Variants in REEP1 observed in about 807,000 individuals in gnomAD.
The protein encoded by REEP1 is receptor expression-enhancing protein 1.
REEP1 carries 22 observed loss-of-function variants against 40.3 expected under a neutral mutation model. That is an observed-to-expected ratio of 0.55 (90% CI 0.39 to 0.78). The LOEUF (loss-of-function observed/expected upper bound fraction) is 0.78, where lower values mean the gene tolerates loss of function less well. REEP1 is among the 30% of genes least tolerant of loss of function. The pLI is 0.00. For missense variants in REEP1, 280 were observed against 361.1 expected (o/e 0.78, Z 1.82); for synonymous variants, 116 against 139.2 (o/e 0.83, Z 1.17).
chr2:86,256,705 C>G (rs965593266), intron 3 of REEP1, among the ~76,000 whole-genome samples: 2 of 152,256 alleles, frequency 1.3e-5, no homozygotes, highest in African/African-American at 2.4e-5. Flanking sequence ...GCCTCTGTTT[C>G]TAGGAATCTG....
intron 7 of REEP1, 41 bp from the exon 8 acceptor site, chr2:86,220,162 T>C (rs1012001189): frequency 1.6e-6 from 2 of 1,214,016 alleles, no homozygotes; most frequent in Non-Finnish European, 2.1e-6. Context: ...AGACAAGGTA[T>C]AGCAAGGAAG....
At chr2:86,230,345 C>G (rs561267801) in intron 6 of REEP1, among the ~76,000 whole-genome samples, 23 of 152,380 alleles carry the variant, frequency 1.5e-4, no homozygotes, top group Admixed American at 1.4e-3. Flanking sequence ...GAGGTCTAGG[C>G]AGGAGGCCTG....
At chr2:86,280,288 G>C (rs973374587) in intron 2 of REEP1, among the ~76,000 whole-genome samples, 28 of 152,240 alleles carry the variant, frequency 1.8e-4, no homozygotes, top group African/African-American at 6.5e-4. Flanking sequence ...ACTGGGAAAA[G>C]CATGTGCTCA....
chr2:86,230,813 G>A (rs973123511), intron 6 of REEP1, among the ~76,000 whole-genome samples: 12 of 152,056 alleles, frequency 7.9e-5, no homozygotes, highest in East Asian at 1.9e-4. Context: ...CGGGTCATGC[G>A]GCGAGCAAGT....
chr2:86,305,058 C>A (rs1483677159), intron 1 of REEP1, among the ~76,000 whole-genome samples: 1 of 151,904 alleles, frequency 6.6e-6, no homozygotes, highest in Non-Finnish European at 1.5e-5. Context: ...CCATTGGTAC[C>A]TAGACGAGGT....
chr2:86,280,916 C>T (rs1365312774), intron 2 of REEP1, among the ~76,000 whole-genome samples: 1 of 152,162 alleles, frequency 6.6e-6, no homozygotes, highest in Non-Finnish European at 1.5e-5. Context: ...TCTTTACCTT[C>T]GCCAAACCTG....
chr2:86,282,203 G>C lies in REEP1; in HGVS notation c.72C>G (p.Tyr24Ter). Reference sequence around the variant, plus strand: ...TAATGTCCTTTGATTTCACAGCCTTGTAGGAATAATACGCAGGGTAAAGGG... The same window carrying C: ...TAATGTCCTTTGATTTCACAGCCTTCTAGGAATAATACGCAGGGTAAAGGG... ...FGTLYPAYYS[Y>*]KAVKSKDIKE... is the part of the protein sequence containing the mutation. Residue 24 changes from tyrosine (Y) to a stop codon, truncating the protein, a stop_gained, in exon 2 of 9, where the codon TAC (tyrosine) becomes TAG (stop). Coordinates refer to ENST00000538924, the MANE Select transcript of REEP1 (RefSeq NM_001371279.1). LOFTEE classifies it high-confidence loss of function. The C allele has an allele frequency of 6.2e-7, 1 of 1,610,820 alleles. No homozygotes were observed. Among genetic ancestry groups the C allele is most frequent in the Non-Finnish European group, 8.5e-7 (1 of 1,177,028 alleles).
intron 5 of REEP1, among the ~76,000 whole-genome samples, chr2:86,240,976 T>C (rs1051196431): frequency 2.6e-5 from 4 of 151,276 alleles, no homozygotes; most frequent in Non-Finnish European, 5.9e-5. Context: ...GGATGGGAGG[T>C]GAGGAGTGGA....
At chr2:86,290,456 T>TA (rs150165467) in intron 1 of REEP1, among the ~76,000 whole-genome samples, 2,430 of 152,142 alleles carry the variant, frequency 0.016, 51 homozygotes, top group African/African-American at 0.052. Flanking sequence ...ACCTGACCTT[T>TA]AAAAAAACCA....
chr2:86,244,665 G>A (rs1280673479), intron 5 of REEP1, among the ~76,000 whole-genome samples: 1 of 152,152 alleles, frequency 6.6e-6, no homozygotes, highest in Non-Finnish European at 1.5e-5. Context: ...AGGCCCCAAG[G>A]AGCTGAGTAG....
intron 1 of REEP1, among the ~76,000 whole-genome samples, chr2:86,302,083 A>T (rs951877312): frequency 6.6e-6 from 1 of 152,200 alleles, no homozygotes; most frequent in Non-Finnish European, 1.5e-5. Flanking sequence ...CAGCTAATGG[A>T]GTGCTGCCTG....
At chr2:86,312,202 C>T (rs1049677073) in intron 1 of REEP1, among the ~76,000 whole-genome samples, 1 of 152,144 alleles carries the variant, frequency 6.6e-6, no homozygotes, top group Admixed American at 6.5e-5. Flanking sequence ...ACCTGAACTC[C>T]TAAGATGACA....
chr2:86,251,142 T>C (rs1048115832), intron 5 of REEP1, among the ~76,000 whole-genome samples: 1 of 152,160 alleles, frequency 6.6e-6, no homozygotes, highest in East Asian at 1.9e-4. Context: ...CACATGGTTG[T>C]TGGGGAAGGG....
chr2:86,276,991 T>C (rs1169693762), intron 2 of REEP1, among the ~76,000 whole-genome samples: 2 of 152,188 alleles, frequency 1.3e-5, no homozygotes, highest in Non-Finnish European at 1.5e-5. Flanking sequence ...TCTTAATGAC[T>C]TTGGTACTTG....
chr2:86,266,455 TA>T (rs1677138089), intron 2 of REEP1, among the ~76,000 whole-genome samples: 1 of 148,136 alleles, frequency 6.8e-6, no homozygotes, highest in African/African-American at 2.5e-5. Context: ...CCGTCTCTAC[TA>T]AAAATACAAA....
In REEP1 at chr2:86,254,817, G is replaced by A. The variant is rs1326592663; in HGVS notation, c.183-3C>T. 3.1e-6 allele frequency: 5 copies of A among 1,613,762 alleles called. No individual in the cohort carries two copies. The East Asian group carries it at 8.9e-5, about 29-fold the overall frequency. On this transcript the variant is annotated splice_region_variant and splice_polypyrimidine_tract_variant and intron_variant, in intron 3 of 8. Transcript: ENST00000538924. ...TTAGTTCATAATAGAATGGAAACCT[G>A]GAGAGAGAGATGAAAACACAAGTTC...
chr2:86,217,276 A>G (rs1440735952), intron 8 of REEP1, among the ~76,000 whole-genome samples, 166 bp from the exon 9 acceptor site: 1 of 152,178 alleles, frequency 6.6e-6, no homozygotes, highest in African/African-American at 2.4e-5. Flanking sequence ...CAATCATCAG[A>G]GTCCCATCCC....
At chr2:86,228,671 T>C (rs1674853262) in intron 6 of REEP1, among the ~76,000 whole-genome samples, 1 of 152,154 alleles carries the variant, frequency 6.6e-6, no homozygotes, top group South Asian at 2.1e-4. Context: ...TTGGTCAGGC[T>C]GGTCTCAAAC....
intron 6 of REEP1, among the ~76,000 whole-genome samples, chr2:86,229,463 G>A (rs955816890): frequency 2.6e-5 from 4 of 152,000 alleles, no homozygotes; most frequent in African/African-American, 9.7e-5. Flanking sequence ...ACACCAGCCC[G>A]GTATAAATTG....
Sources: allele counts gnomAD v4.1 joint callset (sites outside exome capture counted in the v4.1 genomes callset), GRCh38; gene constraint gnomAD v4.1.1; transcripts MANE v1.5; gene names NCBI Gene and HGNC (gene_info 2026-07-23, HGNC 2026-07-21).